DENND1B: variants seen among roughly 807,000 people sequenced by gnomAD.
DENND1B encodes the protein DENN domain containing 1B.
Under a neutral mutation model 90.1 loss-of-function variants are expected in DENND1B, and 59 were observed. That is an observed-to-expected ratio of 0.65 (90% CI 0.53 to 0.81). DENND1B has a LOEUF of 0.81. Among genes scored for constraint, DENND1B ranks in the 40% least tolerant of loss-of-function variants. The pLI is 0.00. For synonymous variants in DENND1B, 337 were observed against 324.6 expected (o/e 1.04, Z -0.41); for missense variants, 862 against 912.6 (o/e 0.94, Z 0.71).
chr1:197,767,637 A>G (rs1655858226), intron 2 of DENND1B, among the ~76,000 whole-genome samples: 1 of 152,250 alleles, frequency 6.6e-6, no homozygotes, highest in Non-Finnish European at 1.5e-5. Context: ...TAAAACTACT[A>G]TTAAATAGCC....
intron 11 of DENND1B, 87 bp downstream of exon 11, chr1:197,617,572 T>C (rs1224808535): frequency 6.0e-5 from 53 of 878,882 alleles, no homozygotes; most frequent in Non-Finnish European, 9.0e-5. Context: ...CTTTTAAATA[T>C]GCCCCCAAGT....
chr1:197,629,424 A>G (rs1195843750), intron 10 of DENND1B, among the ~76,000 whole-genome samples: 1 of 151,186 alleles, frequency 6.6e-6, no homozygotes. Flanking sequence ...AACTATCGCA[A>G]GGACAGAAAA....
chr1:197,780,903 A>G, the DENND1B span, among the ~76,000 whole-genome samples: 1 of 152,100 alleles, frequency 6.6e-6, no homozygotes, highest in Admixed American at 6.6e-5. Flanking sequence ...GGTGTAGAGA[A>G]ACCCAAGTTC....
intron 10 of DENND1B, among the ~76,000 whole-genome samples, chr1:197,637,150 T>A (rs1040259164): frequency 6.6e-6 from 1 of 152,172 alleles, no homozygotes; most frequent in Middle Eastern, 3.2e-3. Context: ...TTTTATTTAA[T>A]GTTGATTACA....
chr1:197,716,417 T>G (rs976472839), intron 2 of DENND1B, among the ~76,000 whole-genome samples: 1 of 151,456 alleles, frequency 6.6e-6, no homozygotes, highest in African/African-American at 2.4e-5. Context: ...TAAATGATTA[T>G]ATCCTCATGT....
At chr1:197,629,609 A>C (rs376227137) in intron 10 of DENND1B, among the ~76,000 whole-genome samples, 36 of 152,116 alleles carry the variant, frequency 2.4e-4, no homozygotes, top group East Asian at 1.6e-3. Context: ...GCCCACCAGC[A>C]TGGCACATGT....
At chr1:197,723,926 C>T (rs1236875978) in intron 2 of DENND1B, among the ~76,000 whole-genome samples, 2 of 152,042 alleles carry the variant, frequency 1.3e-5, no homozygotes, top group African/African-American at 4.8e-5. Context: ...TGTCAAGAAA[C>T]AGTCTTAATG....
At chr1:197,599,254 T>C (rs1337831318) in intron 13 of DENND1B, among the ~76,000 whole-genome samples, 1 of 151,840 alleles carries the variant, frequency 6.6e-6, no homozygotes, top group Non-Finnish European at 1.5e-5. Context: ...GTTGAGTTTT[T>C]CTGAGAAGTA....
At chr1:197,614,772 C>A (rs376603136) in intron 11 of DENND1B, among the ~76,000 whole-genome samples, 2 of 150,870 alleles carry the variant, frequency 1.3e-5, no homozygotes, top group Non-Finnish European at 1.5e-5. Context: ...TACCTATTCT[C>A]TCAGAAGCTA....
At chr1:197,694,443 A>ATT (rs1658226521) in intron 3 of DENND1B, among the ~76,000 whole-genome samples, 1 of 151,472 alleles carries the variant, frequency 6.6e-6, no homozygotes, top group Non-Finnish European at 1.5e-5. Flanking sequence ...CTAAAGATAA[A>ATT]TTTGAAATGC....
intron 10 of DENND1B, among the ~76,000 whole-genome samples, chr1:197,627,228 A>C (rs1423293712): frequency 2.0e-5 from 3 of 152,144 alleles, no homozygotes; most frequent in African/African-American, 7.2e-5. Context: ...ACACCGAAAA[A>C]AGAGAATTTT....
In DENND1B at chr1:197,625,606, C is replaced by T. The variant is rs531363427; in HGVS notation, c.673-7847G>A. Among the ~76,000 whole-genome samples the T allele has an allele frequency of 5.3e-5, 8 of 152,182 alleles. No homozygotes were observed. In the East Asian group the frequency reaches 9.7e-4, roughly 18 times the overall value. On this transcript the variant is annotated intron_variant, in intron 10 of 22. Coordinates refer to ENST00000620048, the MANE Select transcript of DENND1B (RefSeq NM_001195215.2). ...CGAGGCTAGGAAGAAACTGCATCAACTAACGAGCAAAATCACCAGCTAACA... is the reference window on the plus strand; with the variant it reads ...CGAGGCTAGGAAGAAACTGCATCAATTAACGAGCAAAATCACCAGCTAACA...
intron 3 of DENND1B, among the ~76,000 whole-genome samples, chr1:197,703,305 C>CA (rs1487620997): frequency 1.4e-5 from 2 of 146,634 alleles, no homozygotes; most frequent in African/African-American, 2.5e-5. Flanking sequence ...TTTGCTTTTA[C>CA]AAAAAAAAGA....
At chr1:197,676,371 A>AGT (rs1178481058) in intron 3 of DENND1B, among the ~76,000 whole-genome samples, 2 of 152,208 alleles carry the variant, frequency 1.3e-5, no homozygotes, top group African/African-American at 4.8e-5. Flanking sequence ...TTATTACAAA[A>AGT]GTGTGTGTGA....
rs552039704 is a variant in DENND1B, at chr1:197,619,028, GC to G, written c.673-1270del. ...TTTTATTCAAAGTATATGCATCTTTGCCATATGTATTATATTTTTTCCAGTC... is the reference window on the plus strand; with the variant it reads ...TTTTATTCAAAGTATATGCATCTTTGCATATGTATTATATTTTTTCCAGTC... On this transcript the variant is annotated intron_variant, in intron 10 of 22. Coordinates refer to ENST00000620048, the MANE Select transcript of DENND1B (RefSeq NM_001195215.2). 9.6e-4 allele frequency among the ~76,000 whole-genome samples: 145 copies of G among 151,124 alleles called. 1 individual carries two copies. The South Asian group carries it at 0.013, about 14-fold the overall frequency.
intron 20 of DENND1B, among the ~76,000 whole-genome samples, chr1:197,539,414 A>G (rs12094881): frequency 0.073 from 11,069 of 152,110 alleles, 508 homozygotes; most frequent in Non-Finnish European, 0.099. Flanking sequence ...TCATAAATGT[A>G]CTTATGAAAA....
intron 2 of DENND1B, among the ~76,000 whole-genome samples, chr1:197,726,734 C>A (rs888750497): frequency 2.0e-5 from 3 of 152,036 alleles, no homozygotes; most frequent in African/African-American, 7.3e-5. Flanking sequence ...AAAATGGGAT[C>A]GAGACCCAGA....
At chr1:197,731,716 G>C (rs949656700) in intron 2 of DENND1B, among the ~76,000 whole-genome samples, 1 of 152,114 alleles carries the variant, frequency 6.6e-6, no homozygotes, top group African/African-American at 2.4e-5. Flanking sequence ...CAAAAAAAAG[G>C]AAAAACTTTT....
chr1:197,523,112 G>C (rs923887697), intron 20 of DENND1B, among the ~76,000 whole-genome samples: 6 of 152,098 alleles, frequency 3.9e-5, no homozygotes, highest in African/African-American at 1.2e-4. Flanking sequence ...CAGGCTTGCA[G>C]GAAGTGACAG....
Sources: gnomAD v4.1 joint callset for allele counts (sites outside exome capture counted in the v4.1 genomes callset) on GRCh38, gnomAD v4.1.1 for gene constraint, MANE v1.5 for transcripts, NCBI Gene and HGNC (gene_info 2026-07-23, HGNC 2026-07-21) for gene names.